Variants in ADGRL3 observed in about 807,000 individuals in gnomAD.
ADGRL3 encodes adhesion G protein-coupled receptor L3.
In ADGRL3, 62 loss-of-function variants were observed where a neutral mutation model predicts 153.5. The observed-to-expected ratio is 0.40, with a 90% CI of 0.33 to 0.50. The LOEUF (loss-of-function observed/expected upper bound fraction) is 0.50. ADGRL3 is among the 20% of genes least tolerant of loss of function. ADGRL3 has a pLI of 0.47. For synonymous variants in ADGRL3, 710 were observed against 672.5 expected (o/e 1.06, Z -0.86); for missense variants, 1,641 against 1,859.4 (o/e 0.88, Z 2.16).
intron 11 of ADGRL3, among the ~76,000 whole-genome samples, chr4:61,904,028 C>G (rs781696140): frequency 6.6e-6 from 1 of 151,606 alleles, no homozygotes; most frequent in Non-Finnish European, 1.5e-5. Context: ...ACTGGCCTCC[C>G]GAAGTGCTGG....
intron 2 of ADGRL3, among the ~76,000 whole-genome samples, chr4:61,461,547 ATATTCT>A (rs1342660496): frequency 6.6e-6 from 1 of 152,166 alleles, no homozygotes; most frequent in Non-Finnish European, 1.5e-5. Context: ...ATATAAACAA[ATATTCT>A]TATACGCCAA....
At chr4:61,567,065 T>C (rs1340654016) in intron 4 of ADGRL3, among the ~76,000 whole-genome samples, 3 of 152,122 alleles carry the variant, frequency 2.0e-5, no homozygotes, top group Admixed American at 1.3e-4. Context: ...TAGTAGAAAA[T>C]GCAGGGCAAG....
intron 4 of ADGRL3, among the ~76,000 whole-genome samples, chr4:61,548,631 C>A (rs928029427): frequency 1.3e-5 from 2 of 152,018 alleles, no homozygotes; most frequent in South Asian, 2.1e-4. Flanking sequence ...TTCCACTGGT[C>A]TATTTGTCTG....
chr4:61,348,599 G>A (rs936555346), intron 1 of ADGRL3, among the ~76,000 whole-genome samples: 12 of 151,936 alleles, frequency 7.9e-5, no homozygotes, highest in African/African-American at 2.9e-4. Flanking sequence ...TTACAAGACA[G>A]AATTAAGGTT....
intron 5 of ADGRL3, among the ~76,000 whole-genome samples, chr4:61,598,235 A>G (rs1399285418): frequency 1.3e-5 from 2 of 152,222 alleles, no homozygotes; most frequent in African/African-American, 4.8e-5. Flanking sequence ...TTGGAAAAGC[A>G]TAAATAATAT....
At chr4:61,665,735 A>G (rs780307367) in intron 5 of ADGRL3, among the ~76,000 whole-genome samples, 11 of 152,136 alleles carry the variant, frequency 7.2e-5, no homozygotes, top group Non-Finnish European at 1.6e-4. Context: ...ATGCCATCAC[A>G]TTTCTATTTA....
intron 2 of ADGRL3, among the ~76,000 whole-genome samples, chr4:61,418,142 G>C (rs1341386018): frequency 6.6e-6 from 1 of 152,158 alleles, no homozygotes; most frequent in Non-Finnish European, 1.5e-5. Flanking sequence ...AGAAGCAAAA[G>C]GCACATTTCA....
At chr4:61,978,926 A>G (rs1416602904) in intron 17 of ADGRL3, among the ~76,000 whole-genome samples, 1 of 152,194 alleles carries the variant, frequency 6.6e-6, no homozygotes, top group South Asian at 2.1e-4. Context: ...AAGCTATTCA[A>G]TATGAATATA....
At chr4:61,310,088 A>G (rs77539205) in intron 1 of ADGRL3, among the ~76,000 whole-genome samples, 3 of 151,258 alleles carry the variant, frequency 2.0e-5, no homozygotes. Flanking sequence ...GTTGAATTTC[A>G]AAAAGTCATG....
intron 21 of ADGRL3, among the ~76,000 whole-genome samples, chr4:62,017,206 G>C (rs1237126682): frequency 6.6e-6 from 1 of 151,778 alleles, no homozygotes. Flanking sequence ...ATTTGATTTG[G>C]ATCGCAATTG....
At chr4:61,282,482 C>T (rs1414172266) in intron 1 of ADGRL3, among the ~76,000 whole-genome samples, 1 of 151,774 alleles carries the variant, frequency 6.6e-6, no homozygotes, top group Non-Finnish European at 1.5e-5. Flanking sequence ...GGGTTTTTTG[C>T]ACATGTGGTA....
intron 1 of ADGRL3, among the ~76,000 whole-genome samples, chr4:61,268,645 G>C (rs1337172940): frequency 6.6e-6 from 1 of 151,364 alleles, no homozygotes; most frequent in Non-Finnish European, 1.5e-5. Flanking sequence ...GAAAGAAATG[G>C]CATTCTTTTT....
At chr4:61,435,281 A>T (rs1451029125) in intron 2 of ADGRL3, among the ~76,000 whole-genome samples, 1 of 152,168 alleles carries the variant, frequency 6.6e-6, no homozygotes, top group Middle Eastern at 3.4e-3. Flanking sequence ...ATTCATAAAA[A>T]TTTTTTGTAA....
intron 17 of ADGRL3, among the ~76,000 whole-genome samples, chr4:61,957,806 G>T (rs2098973176): frequency 6.6e-6 from 1 of 151,796 alleles, no homozygotes; most frequent in African/African-American, 2.4e-5. Flanking sequence ...TTTGAAAAAT[G>T]TTGAACCTTT....
At chr4:61,538,610 T>A (rs745906371) in intron 4 of ADGRL3, among the ~76,000 whole-genome samples, 10 of 152,048 alleles carry the variant, frequency 6.6e-5, no homozygotes, top group Non-Finnish European at 1.2e-4. Context: ...CGGCTAATTT[T>A]TTTGTATTTT....
intron 15 of ADGRL3, among the ~76,000 whole-genome samples, chr4:61,937,516 G>A (rs1365940218): frequency 2.6e-5 from 4 of 151,482 alleles, no homozygotes; most frequent in African/African-American, 9.7e-5. Context: ...CCTCTATAGG[G>A]AGAGTCTTCC....
At chr4:61,259,837 T>C (rs1245069030) in intron 1 of ADGRL3, among the ~76,000 whole-genome samples, 3 of 152,154 alleles carry the variant, frequency 2.0e-5, no homozygotes, top group Admixed American at 2.0e-4. Context: ...CAGACTCAAA[T>C]AGGTTACCAA....
At chr4:61,340,598 A>AAATAT (rs2095787566) in intron 1 of ADGRL3, among the ~76,000 whole-genome samples, 1 of 152,150 alleles carries the variant, frequency 6.6e-6, no homozygotes, top group Non-Finnish European at 1.5e-5. Flanking sequence ...GCTTAAAACT[A>AAATAT]AATATAATTT....
rs1253868576 is a variant in ADGRL3, at chr4:61,235,017, C to A, written c.-240+33252C>A. ...AACATGAGGAAAACAAGAAAACCAA[C>A]CAAATAAGGTCCCAGAAGAGATGGA... is the stretch of plus-strand genomic sequence containing the variant. On this transcript the variant is annotated intron_variant, in intron 1 of 26. Transcript: ENST00000683033. Among the ~76,000 whole-genome samples, 4 of 152,026 alleles carry A rather than the reference C, an allele frequency of 2.6e-5. No homozygotes were observed. In the East Asian group the frequency reaches 5.8e-4, roughly 22 times the overall value.
Sources: gnomAD v4.1 joint callset for allele counts (sites outside exome capture counted in the v4.1 genomes callset) on GRCh38, gnomAD v4.1.1 for gene constraint, MANE v1.5 for transcripts, NCBI Gene and HGNC (gene_info 2026-07-23, HGNC 2026-07-21) for gene names.